The following OR52N2 variants were observed in gnomAD, a reference collection of about 807,000 sequenced individuals.
The protein encoded by OR52N2 is olfactory receptor 52N2.
For synonymous variants in OR52N2, 129 were observed against 72.0 expected (o/e 1.79, Z -4.01); for missense variants, 326 against 196.6 (o/e 1.66, Z -3.94).
At chr11:5,816,186 G>T (rs7117819) in intron 1 of OR52N2, among the ~76,000 whole-genome samples, 15,151 of 152,118 alleles carry the variant, frequency 0.1, 1,179 homozygotes, top group African/African-American at 0.22. Flanking sequence ...CAAATGGAGA[G>T]TTATTGTTTA....
chr11:5,813,745 T>C (rs945122246), intron 1 of OR52N2, among the ~76,000 whole-genome samples: 2 of 152,024 alleles, frequency 1.3e-5, no homozygotes, highest in African/African-American at 4.8e-5. Flanking sequence ...TAGGCCAATA[T>C]CCTGTTAAAC....
At chr11:5,812,412 G>A (rs894528628) in intron 1 of OR52N2, among the ~76,000 whole-genome samples, 7 of 147,158 alleles carry the variant, frequency 4.8e-5, no homozygotes, top group East Asian at 2.0e-4. Context: ...GGAGAATGGC[G>A]TGAACCCAGG....
At chr11:5,810,699 C>T (rs1346076180) in intron 1 of OR52N2, among the ~76,000 whole-genome samples, 1 of 152,090 alleles carries the variant, frequency 6.6e-6, no homozygotes. Flanking sequence ...GAATGTGCCA[C>T]ACATGAAGGG....
intron 1 of OR52N2, among the ~76,000 whole-genome samples, chr11:5,817,710 G>A (rs1176030240): frequency 6.6e-6 from 1 of 152,020 alleles, no homozygotes; most frequent in Admixed American, 6.6e-5. Context: ...TTTTTCTAAC[G>A]TTTATCAACA....
Position 5,814,172 on chromosome 11 carries a change from G to A in OR52N2, c.-55+5118G>A, listed in dbSNP as rs1008794855. ...GTCCTAGCCAGAGCAATTAGGCAAG[G>A]ACAAGAAATAAAAGGCCTCTCAATT... On this transcript the variant is annotated intron_variant, in intron 1 of 1. Transcript: ENST00000317037. Among the ~76,000 whole-genome samples the A allele has an allele frequency of 2.6e-5, 4 of 152,134 alleles. No individual in the cohort carries two copies. In the East Asian group the frequency reaches 7.7e-4, roughly 29 times the overall value.
Position 5,820,876 on chromosome 11 carries a change from TG to T in OR52N2, c.542del (p.Cys181LeufsTer22), listed in dbSNP as rs756367454. 1.3e-6 allele frequency: 1 copy of T among 781,040 alleles called. No homozygotes were observed. The highest frequency in any genetic ancestry group is 1.3e-5 in the South Asian group (1 of 74,616). The allele number at this position is 781,040 out of a possible 1,614,324, so 48.4% of individuals were successfully genotyped here. A position where few individuals can be genotyped will look rare whatever the true frequency, so the allele number is the denominator to read the frequency against. On this transcript the variant is annotated frameshift_variant, in exon 2 of 2. Transcript: ENST00000317037. LOFTEE classifies it low-confidence loss of function (END_TRUNC). ...GGGGAACTTCATCCCCCACACCTACTGTGACCATATGTCTGTGGCCAAGGTA... is the reference window on the plus strand; with the variant it reads ...GGGGAACTTCATCCCCCACACCTACTTGACCATATGTCTGTGGCCAAGGTA... ...CRGNFIPHTYCDHMSVAKVSC... is the reference protein window; with the variant it reads ...CRGNFIPHTYXDHMSVAKVSC...
At chr11:5,820,217 G>C (rs2134244170) in intron 1 of OR52N2, 65 bp from the exon 2 acceptor site, 1 of 672,830 alleles carries the variant, frequency 1.5e-6, no homozygotes, top group East Asian at 2.5e-5. Context: ...CATGGCACTT[G>C]AGGTTCACTT....
intron 1 of OR52N2, among the ~76,000 whole-genome samples, chr11:5,817,382 C>A (rs1037115784): frequency 6.6e-6 from 1 of 151,674 alleles, no homozygotes; most frequent in Non-Finnish European, 1.5e-5. Context: ...AAAAAGTTTG[C>A]AAATACAACA....
chr11:5,820,706 G>T lies in OR52N2; in HGVS notation c.371G>T (p.Arg124Leu), dbSNP rs746188141. 1.3e-6 allele frequency: 1 copy of T among 791,814 alleles called. No homozygotes were observed. Among genetic ancestry groups the T allele is most frequent in the East Asian group, 2.4e-5 (1 of 41,288 alleles). 49.0% of individuals were successfully genotyped at this position (791,814 alleles called of 1,614,324 possible). Residue 124 changes from arginine to leucine, a missense_variant, in exon 2 of 2, where the codon CGC becomes CTC. Arg to Leu is a moderately radical substitution (Grantham distance 102). Transcript: ENST00000317037. ...GTGCTCATGCTCATGGCCCTGGACC[G>T]CTATGTGGCCATCTGCTACCCCTTA... ...SGVLMLMALDRYVAICYPLRY... is the reference protein window; with the variant it reads ...SGVLMLMALDLYVAICYPLRY...
At chr11:5,814,218 A>T (rs1846384780) in intron 1 of OR52N2, among the ~76,000 whole-genome samples, 1 of 152,184 alleles carries the variant, frequency 6.6e-6, no homozygotes, top group South Asian at 2.1e-4. Flanking sequence ...AAGTAAAATT[A>T]TCTTTGTTCA....
intron 1 of OR52N2, among the ~76,000 whole-genome samples, chr11:5,815,730 A>T (rs1377054115): frequency 6.6e-6 from 1 of 152,122 alleles, no homozygotes; most frequent in East Asian, 1.9e-4. Context: ...ATTGCGTGAG[A>T]TCCCCAGGAG....
rs751842037 is a variant in OR52N2, at chr11:5,820,979, G to C, written c.644G>C (p.Cys215Ser). Residue 215 changes from cysteine (C) to serine (S), a missense_variant, in exon 2 of 2, where the codon TGT becomes TCT. Coordinates refer to ENST00000317037, the MANE Select transcript of OR52N2 (RefSeq NM_001005174.3). Reference sequence around the variant, plus strand: ...CTGATTGGTGTGTTTGATATCTGCTGTATCTCTGTATCTTACACTATGATT... The same window carrying C: ...CTGATTGGTGTGTTTGATATCTGCTCTATCTCTGTATCTTACACTATGATT... Reference protein sequence around the residue: ...ALLIGVFDICCISVSYTMILQ... With the variant: ...ALLIGVFDICSISVSYTMILQ... 1.3e-6 allele frequency: 1 copy of C among 780,914 alleles called. No homozygotes were observed. The highest frequency in any genetic ancestry group is 1.7e-5 in the African/African-American group (1 of 59,128). 48.4% of individuals were successfully genotyped at this position (780,914 alleles called of 1,614,324 possible).
intron 1 of OR52N2, among the ~76,000 whole-genome samples, chr11:5,809,499 GTTA>G: frequency 6.6e-6 from 1 of 152,294 alleles, no homozygotes; most frequent in African/African-American, 2.4e-5. Context: ...ACAGATGTGA[GTTA>G]TTGATTAGAG....
intron 1 of OR52N2, among the ~76,000 whole-genome samples, chr11:5,811,212 T>C (rs913255435): frequency 6.6e-6 from 1 of 152,000 alleles, no homozygotes; most frequent in African/African-American, 2.4e-5. Flanking sequence ...AAAAACAGGA[T>C]GCTGATTAGT....
intron 1 of OR52N2, among the ~76,000 whole-genome samples, chr11:5,814,443 A>G (rs966801004): frequency 6.6e-6 from 1 of 151,948 alleles, no homozygotes; most frequent in Non-Finnish European, 1.5e-5. Flanking sequence ...ACATAATAAA[A>G]TTATATTTTA....
intron 1 of OR52N2, 102 bp from the exon 2 acceptor site, chr11:5,820,180 T>A (rs917034100): frequency 1.7e-5 from 11 of 654,672 alleles, no homozygotes; most frequent in Non-Finnish European, 2.7e-5. Context: ...AGAAAGAATT[T>A]CTGGTTATCA....
chr11:5,808,979 T>C lies in OR52N2; in HGVS notation c.-130T>C, dbSNP rs528068385. Among the ~76,000 whole-genome samples, 2 of 152,104 alleles carry C rather than the reference T, an allele frequency of 1.3e-5. No homozygotes were observed. Among genetic ancestry groups the C allele is most frequent in the South Asian group, 4.2e-4 (2 of 4,818 alleles). ...TCGCGTTGCTGAGAGTCCGAGTTTA[T>C]TCATCACAATGGGTGGGTCCCGATC... On this transcript the variant is annotated 5_prime_UTR_variant, in exon 1 of 2. Coordinates refer to ENST00000317037, the MANE Select transcript of OR52N2 (RefSeq NM_001005174.3).
At position 5,813,522 on chromosome 11, in the gene OR52N2, A is replaced by C. The variant is rs554291226; in HGVS notation, c.-55+4468A>C. ...CAAAGATAAGTAAAACAATTGAATC[A>C]GTAATAAAAAATCTCCCATCAAAAA... On this transcript the variant is annotated intron_variant, in intron 1 of 1. Transcript: ENST00000317037. Among the ~76,000 whole-genome samples the C allele has an allele frequency of 2.6e-5, 4 of 152,304 alleles. No homozygotes were observed. In the South Asian group the frequency reaches 8.3e-4, roughly 32 times the overall value.
rs1406597564 is a variant in OR52N2, at chr11:5,820,655, A to G, written c.320A>G (p.His107Arg). The change falls in exon 2 of 2, where the codon CAT becomes CGT. Residue 107 changes from histidine to arginine, a missense_variant. By Grantham distance (29) the His-to-Arg change is conservative. Transcript: ENST00000317037. ...TGCCTGGCCCAGATGTTTTTTGTCC[A>G]TATGCTGACAGGGATGGAGTCTGGG... ...NACLAQMFFV[H>R]MLTGMESGVL... 1 of 788,532 alleles carries G rather than the reference A, an allele frequency of 1.3e-6. No homozygotes were observed. Among genetic ancestry groups the G allele is most frequent in the East Asian group, 2.4e-5 (1 of 41,294 alleles). 48.8% of individuals were successfully genotyped at this position (788,532 alleles called of 1,614,324 possible).
Sources: gnomAD v4.1 joint callset for allele counts (sites outside exome capture counted in the v4.1 genomes callset) on GRCh38, gnomAD v4.1.1 for gene constraint, MANE v1.5 for transcripts, NCBI Gene and HGNC (gene_info 2026-07-23, HGNC 2026-07-21) for gene names.